Variants in TIGD5 observed in about 807,000 individuals in gnomAD.
TIGD5 encodes the protein tigger transposable element-derived protein 5.
TIGD5 carries 24 observed loss-of-function variants against 28.8 expected under a neutral mutation model. That is an observed-to-expected ratio of 0.83 (90% CI 0.60 to 1.17). The LOEUF is 1.17. Ranked by LOEUF, TIGD5 falls within the 50% of genes most tolerant of loss-of-function variation. The pLI is 0.00. For missense variants in TIGD5, 922 were observed against 911.4 expected (o/e 1.01, Z -0.15); for synonymous variants, 538 against 430.5 (o/e 1.25, Z -3.09).
rs1286508321 is a variant in TIGD5, at chr8:143,599,016, C to T, written c.1113C>T (p.Ala371=). ...CAAGCCCAGCTGCCAGTATGCCCGC[C>T]CTGGACAGCGAGGATGCCCCCGTGC... ...PCPSPAASMP[A]LDSEDAPVRC... The change falls in exon 1 of 1, where the codon GCC becomes GCT. Residue 371 remains alanine, a synonymous_variant. Coordinates refer to ENST00000504548, the MANE Select transcript of TIGD5 (RefSeq NM_032862.5). 6.4e-7 allele frequency: 1 copy of T among 1,573,670 alleles called. No homozygotes were observed. Among genetic ancestry groups the T allele is most frequent in the Non-Finnish European group, 8.6e-7 (1 of 1,167,406 alleles).
In TIGD5 at chr8:143,599,369, C is replaced by T. The variant is rs1829212280; in HGVS notation, c.1466C>T (p.Pro489Leu). The T allele has an allele frequency of 1.3e-6, 2 of 1,573,188 alleles. No individual in the cohort carries two copies. The highest frequency in any genetic ancestry group is 1.7e-6 in the Non-Finnish European group (2 of 1,160,678). The change falls in exon 1 of 1, where the codon CCC becomes CTC. Residue 489 changes from proline (P) to leucine (L), a missense_variant. Pro to Leu is a moderately conservative substitution (Grantham distance 98, BLOSUM62 -3). Coordinates refer to ENST00000504548, the MANE Select transcript of TIGD5 (RefSeq NM_032862.5). ...LGLRAAFEPRPGEDSAGQPAQ... is the reference protein window; with the variant it reads ...LGLRAAFEPRLGEDSAGQPAQ... Reference sequence around the variant, plus strand: ...CTGCGGGCTGCCTTCGAGCCCCGGCCCGGCGAGGACAGTGCTGGGCAGCCG... The same window carrying T: ...CTGCGGGCTGCCTTCGAGCCCCGGCTCGGCGAGGACAGTGCTGGGCAGCCG...
rs886501237 is a variant in TIGD5 at position 143,599,252 on chromosome 8, G to A, written c.1349G>A (p.Arg450His). The change falls in exon 1 of 1, where the codon CGC becomes CAC. Residue 450 changes from arginine to histidine, a missense_variant. Arg to His is a conservative substitution (Grantham distance 29, BLOSUM62 0). This residue lies in a region of TIGD5 where 821 missense variants were observed against 815.2 expected (regional missense o/e 1.01). Transcript: ENST00000504548. ...CASGSPLDFM[R>H]SFMLKDMLYL... ...AGCGGCTCCCCGCTGGACTTCATGCGCAGCTTCATGCTCAAGGACATGCTC... is the reference window on the plus strand; with the variant it reads ...AGCGGCTCCCCGCTGGACTTCATGCACAGCTTCATGCTCAAGGACATGCTC... The A allele has an allele frequency of 1.2e-6, 2 of 1,611,502 alleles. No homozygotes were observed. The highest frequency in any genetic ancestry group is 2.2e-5 in the South Asian group (2 of 90,852).
rs1202416689 is a variant in TIGD5, at chr8:143,601,135, G to GC, written c.*1304dup. The GC allele has an allele frequency of 6.6e-6, 1 of 152,280 alleles. No individual in the cohort carries two copies. Among genetic ancestry groups the GC allele is most frequent in the Non-Finnish European group, 1.5e-5 (1 of 68,092 alleles). The allele number at this position is 152,280 out of a possible 1,614,324, so 9.4% of individuals were successfully genotyped here. On this transcript the variant is annotated 3_prime_UTR_variant, in exon 1 of 1. Coordinates refer to ENST00000504548, the MANE Select transcript of TIGD5 (RefSeq NM_032862.5). ...TGTGCACCAGCTTGGCAGTGGGGCAGCTGGAGGGTGTCCCCCAAAAGTGAC... is the reference window on the plus strand; with the variant it reads ...TGTGCACCAGCTTGGCAGTGGGGCAGCCTGGAGGGTGTCCCCCAAAAGTGAC...
chr8:143,599,112 C>A lies in TIGD5; in HGVS notation c.1209C>A (p.Phe403Leu). The A allele has an allele frequency of 1.3e-6, 2 of 1,585,592 alleles. No homozygotes were observed. The highest frequency in any genetic ancestry group is 1.7e-6 in the Non-Finnish European group (2 of 1,167,278). The change falls in exon 1 of 1, where the codon TTC becomes TTA. Residue 403 changes from phenylalanine to leucine, a missense_variant. By Grantham distance (22) the Phe-to-Leu change is conservative. This residue lies in a region of TIGD5 where 821 missense variants were observed against 815.2 expected (regional missense o/e 1.01). Transcript: ENST00000504548. ...CGGATGGCGCTGTGCGGGTGCTGTT[C>A]CTGTCCAAAGGCAGCAGCCGGGCAC... ...QTPDGAVRVL[F>L]LSKGSSRAHI...
In TIGD5 at chr8:143,598,218, G is replaced by C. The variant is rs763396966; in HGVS notation, c.315G>C (p.Leu105=). ...AGCTGCGCTGGTTCCTGGAGCAGCTGGGCGGTGAGGTGGGCACTCAGCGCA... is the reference window on the plus strand; with the variant it reads ...AGCTGCGCTGGTTCCTGGAGCAGCTCGGCGGTGAGGTGGGCACTCAGCGCA... ...EPKLRWFLEQ[L]GGEVGTQRKK... The change falls in exon 1 of 1, where the codon CTG becomes CTC. Residue 105 remains leucine (L), a synonymous_variant. Transcript: ENST00000504548. The surrounding 1 kb of genome is among the most constrained non-coding windows in gnomAD (Gnocchi z 6.6). The C allele has an allele frequency of 6.2e-7, 1 of 1,607,698 alleles. No individual in the cohort carries two copies. The highest frequency in any genetic ancestry group is 8.5e-7 in the Non-Finnish European group (1 of 1,177,842).
rs760886250 is a variant in TIGD5, at chr8:143,598,670, C to G, written c.767C>G (p.Pro256Arg). Residue 256 changes from proline to arginine, a missense_variant, in exon 1 of 1, where the codon CCG (proline) becomes CGG (arginine). Around this residue, in one of 3 missense-constraint regions of TIGD5, gnomAD observed 821 missense variants for 815.2 expected, o/e 1.01. Coordinates refer to ENST00000504548, the MANE Select transcript of TIGD5 (RefSeq NM_032862.5). The surrounding 1 kb of genome is among the most constrained non-coding windows in gnomAD (Gnocchi z 6.6). ...WKLLPEQAAP[P>R]GAGDPGAGGC... ...CTGCTTCCGGAGCAGGCTGCGCCCC[C>G]GGGCGCAGGGGACCCCGGGGCGGGG... 9.3e-6 allele frequency: 14 copies of G among 1,499,940 alleles called. No homozygotes were observed. The South Asian group carries it at 1.6e-4, about 17-fold the overall frequency. The allele number at this position is 1,499,940 out of a possible 1,614,324, so 92.9% of individuals were successfully genotyped here.
Position 143,598,890 on chromosome 8 carries a change from G to A in TIGD5, c.987G>A (p.Arg329=). ...PDAWLSRPLL[R]GWFFEEFVPG... is the part of the protein sequence containing the mutation. ...CCTGGCTCAGCCGCCCGCTGCTGCG[G>A]GGCTGGTTCTTTGAGGAATTTGTCC... The change falls in exon 1 of 1, where the codon CGG becomes CGA. Residue 329 remains arginine, a synonymous_variant. Transcript: ENST00000504548. The surrounding 1 kb of genome is among the most constrained non-coding windows in gnomAD (Gnocchi z 6.6). 6.3e-7 allele frequency: 1 copy of A among 1,598,794 alleles called. No individual in the cohort carries two copies. The highest frequency in any genetic ancestry group is 1.1e-5 in the South Asian group (1 of 90,852).
rs1829150903 is a variant in TIGD5 at position 143,598,514 on chromosome 8, A to G, written c.611A>G (p.Lys204Arg). The G allele has an allele frequency of 7.4e-7, 1 of 1,353,484 alleles. No individual in the cohort carries two copies. The highest frequency in any genetic ancestry group is 9.4e-7 in the Non-Finnish European group (1 of 1,059,340). The allele number at this position is 1,353,484 out of a possible 1,614,324, so 83.8% of individuals were successfully genotyped here. The change falls in exon 1 of 1, where the codon AAG becomes AGG. Residue 204 changes from lysine (K) to arginine (R), a missense_variant. By Grantham distance (26) the Lys-to-Arg change is conservative. This residue lies in a region of TIGD5 where 821 missense variants were observed against 815.2 expected (regional missense o/e 1.01). Transcript: ENST00000504548. This position sits in a 1 kb window ranked among gnomAD's most constrained non-coding sequence, Gnocchi z 6.6. ...APSPAPGPPV[K>R]EEPALPSGAG... ...AGCCCCGCGCCCGGCCCGCCCGTCA[A>G]GGAGGAGCCCGCGCTGCCCTCCGGC...
In TIGD5 at chr8:143,598,953, G is replaced by A. The variant is rs925377338; in HGVS notation, c.1050G>A (p.Gln350=). The part of the protein sequence containing the change: ...VKRYLRRSCL[Q]QKAVLLVAHP... ...GCTACCTGCGCCGAAGCTGCCTGCA[G>A]CAGAAGGCCGTGCTGCTGGTGGCCC... The change falls in exon 1 of 1, where the codon CAG becomes CAA. Residue 350 remains glutamine (Q), a synonymous_variant. Coordinates refer to ENST00000504548, the MANE Select transcript of TIGD5 (RefSeq NM_032862.5). This position sits in a 1 kb window ranked among gnomAD's most constrained non-coding sequence, Gnocchi z 6.6. 2 of 1,583,466 alleles carry A rather than the reference G, an allele frequency of 1.3e-6. No individual in the cohort carries two copies. Among genetic ancestry groups the A allele is most frequent in the Non-Finnish European group, 8.5e-7 (1 of 1,172,954 alleles).
rs1395750608 is a variant in TIGD5, at chr8:143,599,239, C to T, written c.1336C>T (p.Leu446=). 3.1e-6 allele frequency: 5 copies of T among 1,611,742 alleles called. No individual in the cohort carries two copies. The Admixed American group carries it at 5.0e-5, about 16-fold the overall frequency. ...LAVSCASGSP[L]DFMRSFMLKD... is the part of the protein sequence containing the mutation. ...TGTGTCCTGCGCCAGCGGCTCCCCG[C>T]TGGACTTCATGCGCAGCTTCATGCT... The change falls in exon 1 of 1, where the codon CTG becomes TTG. Residue 446 remains leucine (L), a synonymous_variant. Transcript: ENST00000504548.
chr8:143,598,431 G>A lies in TIGD5; in HGVS notation c.528G>A (p.Gln176=). ...GCCACGGCTGGTTCTGGCGCTGGCA[G>A]AAGCGCCACGGCATCTCCAGCCAGC... ...KASHGWFWRW[Q]KRHGISSQRF... The change falls in exon 1 of 1, where the codon CAG becomes CAA. Residue 176 remains glutamine (Q), a synonymous_variant. Transcript: ENST00000504548. The surrounding 1 kb of genome is among the most constrained non-coding windows in gnomAD (Gnocchi z 6.6). 1.3e-6 allele frequency: 2 copies of A among 1,499,584 alleles called. No homozygotes were observed. The highest frequency in any genetic ancestry group is 1.8e-6 in the Non-Finnish European group (2 of 1,127,576). The allele number at this position is 1,499,584 out of a possible 1,614,324, so 92.9% of individuals were successfully genotyped here.
chr8:143,599,915 CCT>C lies in TIGD5; in HGVS notation c.*84_*85del. ...AGTCTCCCATCTCTCCTCCCCTCCC[CCT>C]GGGGTGGCCCACCGCATGGGTACAG... On this transcript the variant is annotated 3_prime_UTR_variant, in exon 1 of 1. Coordinates refer to ENST00000504548, the MANE Select transcript of TIGD5 (RefSeq NM_032862.5). 7.3e-7 allele frequency: 1 copy of C among 1,371,196 alleles called. No individual in the cohort carries two copies. Among genetic ancestry groups the C allele is most frequent in the Non-Finnish European group, 9.5e-7 (1 of 1,057,148 alleles). 84.9% of individuals were successfully genotyped at this position (1,371,196 alleles called of 1,614,324 possible). A position where few individuals can be genotyped will look rare whatever the true frequency, so the allele number is the denominator to read the frequency against.
rs375539860 is a variant in TIGD5, at chr8:143,599,876, G to A, written c.*44G>A. ...CTTTCTCCTGCTGCACTTGGAGGGA[G>A]GGGACATACACACAGTCTCCCATCT... On this transcript the variant is annotated 3_prime_UTR_variant, in exon 1 of 1. Transcript: ENST00000504548. 6.9e-6 allele frequency: 10 copies of A among 1,443,298 alleles called. No homozygotes were observed. In the African/African-American group the frequency reaches 7.3e-5, roughly 11 times the overall value. The allele number at this position is 1,443,298 out of a possible 1,614,324, so 89.4% of individuals were successfully genotyped here. A position where few individuals can be genotyped will look rare whatever the true frequency, so the allele number is the denominator to read the frequency against.
chr8:143,600,216 G>C lies in TIGD5; in HGVS notation c.*384G>C. 2 of 244,254 alleles carry C rather than the reference G, an allele frequency of 8.2e-6. No homozygotes were observed. Among genetic ancestry groups the C allele is most frequent in the East Asian group, 1.5e-4 (2 of 13,586 alleles). 15.1% of individuals were successfully genotyped at this position (244,254 alleles called of 1,614,324 possible). A position where few individuals can be genotyped will look rare whatever the true frequency, so the allele number is the denominator to read the frequency against. ...AACTCCTGTCTGCTATCGAGCCCTG[G>C]TGCTATGTGGCCCCGGAGCCACAGC... On this transcript the variant is annotated 3_prime_UTR_variant, in exon 1 of 1. Transcript: ENST00000504548.
In TIGD5 at chr8:143,599,816, C is replaced by T. The variant is rs1251239478; in HGVS notation, c.1913C>T (p.Pro638Leu). The T allele has an allele frequency of 6.8e-7, 1 of 1,478,678 alleles. No homozygotes were observed. The highest frequency in any genetic ancestry group is 8.9e-7 in the Non-Finnish European group (1 of 1,124,092). 91.6% of individuals were successfully genotyped at this position (1,478,678 alleles called of 1,614,324 possible). ...GGCATCGGGCATACCCCAGCAGGCC[C>T]CTATGACGGTGTGTGACCAGGCCAG... Reference protein sequence around the residue: ...LGGIGHTPAGPYDGV With the variant: ...LGGIGHTPAGLYDGV Residue 638 changes from proline to leucine, a missense_variant, in exon 1 of 1, where the codon CCC (proline) becomes CTC (leucine). Coordinates refer to ENST00000504548, the MANE Select transcript of TIGD5 (RefSeq NM_032862.5).
In TIGD5 at chr8:143,598,903, G is replaced by A. The variant is rs1385049798; in HGVS notation, c.1000G>A (p.Glu334Lys). Residue 334 changes from glutamate to lysine, a missense_variant, in exon 1 of 1, where the codon GAG becomes AAG. Glu to Lys is a moderately conservative substitution (Grantham distance 56, BLOSUM62 1). Transcript: ENST00000504548. This position sits in a 1 kb window ranked among gnomAD's most constrained non-coding sequence, Gnocchi z 6.6. Reference sequence around the variant, plus strand: ...CCCGCTGCTGCGGGGCTGGTTCTTTGAGGAATTTGTCCCAGGCGTCAAACG... The same window carrying A: ...CCCGCTGCTGCGGGGCTGGTTCTTTAAGGAATTTGTCCCAGGCGTCAAACG... ...SRPLLRGWFF[E>K]EFVPGVKRYL... 6.3e-6 allele frequency: 10 copies of A among 1,597,826 alleles called. No individual in the cohort carries two copies. Among genetic ancestry groups the A allele is most frequent in the Non-Finnish European group, 8.5e-6 (10 of 1,179,208 alleles).
chr8:143,600,753 G>C lies in TIGD5; in HGVS notation c.*921G>C, dbSNP rs1349801217. 6.6e-6 allele frequency: 1 copy of C among 152,344 alleles called. No homozygotes were observed. The highest frequency in any genetic ancestry group is 1.5e-5 in the Non-Finnish European group (1 of 68,138). 9.4% of individuals were successfully genotyped at this position (152,344 alleles called of 1,614,324 possible). ...CCCTCAGACTTTTCTGCCTCTCCTG[G>C]GACTGCCAAGGATGTGGCTGACAAG... On this transcript the variant is annotated 3_prime_UTR_variant, in exon 1 of 1. Transcript: ENST00000504548.
rs756191626 is a variant in TIGD5, at chr8:143,598,241, G to A, written c.338G>A (p.Arg113His). The change falls in exon 1 of 1, where the codon CGC becomes CAC. Residue 113 changes from arginine (R) to histidine (H), a missense_variant. Arg to His is a conservative substitution (Grantham distance 29). Transcript: ENST00000504548. This position sits in a 1 kb window ranked among gnomAD's most constrained non-coding sequence, Gnocchi z 6.6. ...CTGGGCGGTGAGGTGGGCACTCAGC[G>A]CAAGAAGATGCGGCTGGCCAACGAG... ...EQLGGEVGTQ[R>H]KKMRLANEEE... is the part of the protein sequence containing the mutation. 1 of 1,609,094 alleles carries A rather than the reference G, an allele frequency of 6.2e-7. No homozygotes were observed. The highest frequency in any genetic ancestry group is 1.1e-5 in the South Asian group (1 of 90,792).
chr8:143,597,889 C>A lies in TIGD5; in HGVS notation c.-15C>A, dbSNP rs1002290547. On this transcript the variant is annotated 5_prime_UTR_variant, in exon 1 of 1. Coordinates refer to ENST00000504548, the MANE Select transcript of TIGD5 (RefSeq NM_032862.5). Reference sequence around the variant, plus strand: ...TCCCGCGACCCGCGCGGCCCGGGTCCCCCCCGCCGCAGCCATGTACCCCGC... The same window carrying A: ...TCCCGCGACCCGCGCGGCCCGGGTCACCCCCGCCGCAGCCATGTACCCCGC... 2.8e-5 allele frequency: 23 copies of A among 832,592 alleles called. No individual in the cohort carries two copies. Among genetic ancestry groups the A allele is most frequent in the South Asian group, 5.3e-5 (1 of 18,818 alleles). 51.6% of individuals were successfully genotyped at this position (832,592 alleles called of 1,614,324 possible).
Sources: allele counts gnomAD v4.1 joint callset, GRCh38; gene constraint gnomAD v4.1.1; regional missense constraint gnomAD v4.1.1; non-coding constraint Gnocchi (gnomAD v3.1); transcripts MANE v1.5; gene names NCBI Gene and HGNC (gene_info 2026-07-23, HGNC 2026-07-21).